TLE1: variants seen among roughly 807,000 people sequenced by gnomAD.
The protein encoded by TLE1 is transducin-like enhancer protein 1.
TLE1 carries 21 observed loss-of-function variants against 89.8 expected under a neutral mutation model. That is an observed-to-expected ratio of 0.23 (90% CI 0.17 to 0.34). The LOEUF (loss-of-function observed/expected upper bound fraction) is 0.34, where lower values mean the gene tolerates loss of function less well. Among genes scored for constraint, TLE1 ranks in the 10% least tolerant of loss-of-function variants. TLE1 has a pLI of 1.00. For missense variants in TLE1, 795 were observed against 1,031.2 expected (o/e 0.77, Z 3.14); for synonymous variants, 447 against 407.6 (o/e 1.10, Z -1.16).
intron 14 of TLE1, among the ~76,000 whole-genome samples, chr9:81,600,863 G>A (rs1830823342): frequency 6.6e-6 from 1 of 152,158 alleles, no homozygotes; most frequent in Admixed American, 6.5e-5. Flanking sequence ...GTTAGAGGAG[G>A]AGCAAGTGTG....
Position 81,610,761 on chromosome 9 carries a change from G to A in TLE1, c.1255-465C>T, listed in dbSNP as rs1447644644. ...ATACCTGCCCCCCCTCCCACCCCCA[G>A]TTATGATAATCAAAAGTGTCTCCAG... is the stretch of plus-strand genomic sequence containing the variant. On this transcript the variant is annotated intron_variant, in intron 13 of 19. Transcript: ENST00000376499. Among the ~76,000 whole-genome samples, 20 of 41,762 alleles carry A rather than the reference G, an allele frequency of 4.8e-4. No individual in the cohort carries two copies. The Admixed American group carries it at 6.1e-3, about 13-fold the overall frequency. The allele number at this position is 41,762 out of a possible 152,430, so 27.4% of individuals were successfully genotyped here.
intron 14 of TLE1, among the ~76,000 whole-genome samples, chr9:81,608,642 T>A (rs1053818281): frequency 6.6e-6 from 1 of 152,056 alleles, no homozygotes; most frequent in East Asian, 2.0e-4. Context: ...AGTACCTTTA[T>A]TGAAACAAAA....
intron 4 of TLE1, among the ~76,000 whole-genome samples, chr9:81,684,000 A>G (rs1203808562): frequency 6.6e-6 from 1 of 152,174 alleles, no homozygotes; most frequent in African/African-American, 2.4e-5. Flanking sequence ...GCACCAGCAT[A>G]TAGCATCACA....
chr9:81,602,255 G>A (rs961114130), intron 14 of TLE1, among the ~76,000 whole-genome samples: 6 of 152,120 alleles, frequency 3.9e-5, no homozygotes, highest in African/African-American at 1.2e-4. Context: ...ACATGGCACC[G>A]GAAAAGCAGG....
chr9:81,623,716 G>A (rs1288477926), intron 8 of TLE1, among the ~76,000 whole-genome samples: 1 of 151,934 alleles, frequency 6.6e-6, no homozygotes, highest in Admixed American at 6.6e-5. Flanking sequence ...CTTGAACCTG[G>A]GAGGCGGAGG....
chr9:81,608,304 C>T (rs1002380857), intron 14 of TLE1, among the ~76,000 whole-genome samples: 1 of 152,112 alleles, frequency 6.6e-6, no homozygotes, highest in East Asian at 1.9e-4. Flanking sequence ...CTCACAAGTG[C>T]CCCAACGACC....
intron 8 of TLE1, among the ~76,000 whole-genome samples, chr9:81,623,605 C>G (rs1194983536): frequency 7.4e-6 from 1 of 134,550 alleles, no homozygotes. Flanking sequence ...ATGGTGAAAC[C>G]CCATCTGTAC....
At chr9:81,655,896 A>G (rs1830103217) in intron 4 of TLE1, among the ~76,000 whole-genome samples, 2 of 151,952 alleles carry the variant, frequency 1.3e-5, no homozygotes, top group Admixed American at 1.3e-4. Flanking sequence ...AACCCCAGGA[A>G]CTTTACAATC....
At chr9:81,591,769 A>T (rs1400873845) in intron 15 of TLE1, among the ~76,000 whole-genome samples, 1 of 152,248 alleles carries the variant, frequency 6.6e-6, no homozygotes, top group Non-Finnish European at 1.5e-5. Flanking sequence ...ATATTGGGCC[A>T]TATTTAAATA....
At chr9:81,584,424 T>C (rs1828041664) in intron 19 of TLE1, 24 bp downstream of exon 19, 1 of 1,613,818 alleles carries the variant, frequency 6.2e-7, no homozygotes, top group African/African-American at 1.3e-5. Flanking sequence ...AAACTGTGGA[T>C]CTAGGTGAGG....
intron 6 of TLE1, among the ~76,000 whole-genome samples, chr9:81,640,516 TA>T (rs1207985471): frequency 2.0e-5 from 3 of 152,116 alleles, no homozygotes; most frequent in Non-Finnish European, 4.4e-5. Flanking sequence ...GATTTGGGGA[TA>T]AAGAGATCAG....
At chr9:81,681,714 TA>T (rs1833653391) in intron 4 of TLE1, among the ~76,000 whole-genome samples, 1 of 152,184 alleles carries the variant, frequency 6.6e-6, no homozygotes, top group Non-Finnish European at 1.5e-5. Context: ...AAACATACTT[TA>T]ACCTGAGGAC....
At chr9:81,679,941 A>G (rs1833390385) in intron 4 of TLE1, among the ~76,000 whole-genome samples, 1 of 152,176 alleles carries the variant, frequency 6.6e-6, no homozygotes, top group South Asian at 2.1e-4. Context: ...AACTGAATAT[A>G]TTTTTAGTTT....
rs62576223 is a variant in TLE1 at position 81,688,657 on chromosome 9, G to A, written c.-417C>T. The A allele has an allele frequency of 2.8e-5, 5 of 181,768 alleles. No homozygotes were observed. The highest frequency in any genetic ancestry group is 1.9e-4 in the South Asian group (1 of 5,208). The allele number at this position is 181,768 out of a possible 1,614,324, so 11.3% of individuals were successfully genotyped here. A position where few individuals can be genotyped will look rare whatever the true frequency, so the allele number is the denominator to read the frequency against. The stretch of plus-strand genomic sequence containing the variant: ...AGTCCTGGGCAAACAAATCCAGACG[G>A]ACTGCTTTTCTTTGCTCTTCTCCTG... On this transcript the variant is annotated 5_prime_UTR_variant, in exon 1 of 20. Transcript: ENST00000376499.
At chr9:81,685,196 C>A (rs1834105662) in intron 4 of TLE1, among the ~76,000 whole-genome samples, 1 of 152,024 alleles carries the variant, frequency 6.6e-6, no homozygotes, top group Non-Finnish European at 1.5e-5. Context: ...ACTATTGCTT[C>A]ATGCAGCCCC....
chr9:81,584,577 A>G, intron 18 of TLE1, 53 bp from the exon 19 acceptor site: 1 of 1,537,312 alleles, frequency 6.5e-7, no homozygotes, highest in South Asian at 1.1e-5. Flanking sequence ...TTCCTACTAT[A>G]CAATTAGCAA....
intron 16 of TLE1, among the ~76,000 whole-genome samples, chr9:81,589,920 A>G (rs145529259): frequency 3.9e-5 from 6 of 152,210 alleles, no homozygotes; most frequent in South Asian, 2.1e-4. Context: ...GCCCGGCTCA[A>G]TGACACTTCA....
intron 4 of TLE1, among the ~76,000 whole-genome samples, chr9:81,659,713 G>C (rs939564672): frequency 2.2e-4 from 34 of 152,162 alleles, no homozygotes; most frequent in African/African-American, 8.2e-4. Flanking sequence ...CCAAAAATTA[G>C]GGTTTGCATC....
intron 4 of TLE1, among the ~76,000 whole-genome samples, chr9:81,659,665 A>G (rs915334435): frequency 6.6e-6 from 1 of 152,116 alleles, no homozygotes; most frequent in Non-Finnish European, 1.5e-5. Flanking sequence ...AACTCTCCTC[A>G]CTGATTTGCA....
Sources: gnomAD v4.1 joint callset for allele counts (sites outside exome capture counted in the v4.1 genomes callset) on GRCh38, gnomAD v4.1.1 for gene constraint, MANE v1.5 for transcripts, NCBI Gene and HGNC (gene_info 2026-07-23, HGNC 2026-07-21) for gene names.